The following TENM2 variants were observed in gnomAD, a reference collection of about 807,000 sequenced individuals.
The protein encoded by TENM2 is teneurin transmembrane protein 2.
A neutral mutation model predicts 245.2 loss-of-function variants in TENM2; 52 were observed. The ratio of observed to expected loss-of-function variants is 0.21; its 90% CI spans 0.17 to 0.27. TENM2 has a LOEUF of 0.27. TENM2 is among the 10% of genes least tolerant of loss of function. The pLI, the probability that TENM2 is intolerant of heterozygous loss-of-function variation, is 1.00. For synonymous variants in TENM2, 1,363 were observed against 1,438.9 expected, an observed-to-expected ratio of 0.95 and a Z score of 1.19; for missense variants, 3,046 against 3,666.8, an observed-to-expected ratio of 0.83 and a Z score of 4.37.
intron 7 of TENM2, among the ~76,000 whole-genome samples, chr5:168,064,397 C>G (rs893521499): frequency 2.6e-5 from 4 of 152,102 alleles, no homozygotes; most frequent in African/African-American, 9.7e-5. Context: ...CCCCACATTA[C>G]CCCCAAAGCT....
At chr5:167,851,005 A>G (rs1300810265) in intron 2 of TENM2, among the ~76,000 whole-genome samples, 1 of 152,222 alleles carries the variant, frequency 6.6e-6, no homozygotes, top group African/African-American at 2.4e-5. Flanking sequence ...TGAATCACTA[A>G]TTATTGCCCT....
intron 2 of TENM2, among the ~76,000 whole-genome samples, chr5:167,669,326 A>T (rs148055971): frequency 1.3e-3 from 204 of 151,504 alleles, no homozygotes; most frequent in Admixed American, 2.5e-3. Flanking sequence ...GAAGTAAAAA[A>T]TTAGAAAATG....
At chr5:167,973,143 G>A (rs1037586292) in intron 4 of TENM2, among the ~76,000 whole-genome samples, 7 of 152,224 alleles carry the variant, frequency 4.6e-5, no homozygotes, top group Non-Finnish European at 5.9e-5. Flanking sequence ...GAAATGCCTA[G>A]TAAGGCGGTA....
chr5:167,430,427 C>A (rs143774615), intron 2 of TENM2, among the ~76,000 whole-genome samples: 1 of 152,276 alleles, frequency 6.6e-6, no homozygotes, highest in African/African-American at 2.4e-5. Context: ...CCAGCCTGGG[C>A]CGTTCATTAG....
chr5:167,549,990 T>C (rs1401619930), intron 2 of TENM2, among the ~76,000 whole-genome samples: 1 of 152,212 alleles, frequency 6.6e-6, no homozygotes, highest in Non-Finnish European at 1.5e-5. Flanking sequence ...GATTTTGTGC[T>C]GCGATGTGGT....
chr5:167,212,883 T>A, the TENM2 span, among the ~76,000 whole-genome samples: 2 of 152,206 alleles, frequency 1.3e-5, no homozygotes, highest in Non-Finnish European at 2.9e-5. Context: ...GGGATTTACA[T>A]CTTTAACAAG....
intron 5 of TENM2, among the ~76,000 whole-genome samples, chr5:168,026,215 G>T (rs1335228629): frequency 1.3e-5 from 2 of 152,178 alleles, no homozygotes; most frequent in Non-Finnish European, 2.9e-5. Flanking sequence ...CCATTCCTCT[G>T]AGAGTTGGGG....
intron 3 of TENM2, among the ~76,000 whole-genome samples, chr5:167,892,171 G>A (rs983176741): frequency 7.2e-5 from 11 of 152,074 alleles, no homozygotes; most frequent in African/African-American, 1.9e-4. Context: ...TACATTAAAC[G>A]TACACATTAT....
chr5:167,298,235 T>C (rs903673193), intron 1 of TENM2, among the ~76,000 whole-genome samples: 3 of 151,974 alleles, frequency 2.0e-5, no homozygotes, highest in African/African-American at 4.8e-5. Context: ...GGGGTGATAT[T>C]GTGGGGTTGT....
chr5:167,776,091 T>C (rs571846576), intron 2 of TENM2, among the ~76,000 whole-genome samples: 5 of 150,004 alleles, frequency 3.3e-5, no homozygotes, highest in Non-Finnish European at 7.4e-5. Context: ...CTAAATATAT[T>C]GTTAAGTGAA....
intron 2 of TENM2, among the ~76,000 whole-genome samples, chr5:167,456,241 C>A (rs79090252): frequency 0.037 from 5,578 of 152,242 alleles, 141 homozygotes; most frequent in Non-Finnish European, 0.056. Flanking sequence ...TCAATAGGAA[C>A]CCCAAACCAC....
intron 27 of TENM2, among the ~76,000 whole-genome samples, chr5:168,251,022 AGAG>A (rs1767063775): frequency 6.6e-6 from 1 of 152,186 alleles, no homozygotes; most frequent in East Asian, 1.9e-4. Context: ...GTGCAGGGAG[AGAG>A]GAGGAGTGTT....
intron 12 of TENM2, among the ~76,000 whole-genome samples, chr5:168,148,053 A>C (rs1756264957): frequency 6.6e-6 from 1 of 152,212 alleles, no homozygotes; most frequent in South Asian, 2.1e-4. Flanking sequence ...TTATTGGAAA[A>C]ATCAGTCATG....
chr5:167,257,576 G>T, the TENM2 span, among the ~76,000 whole-genome samples: 2 of 151,396 alleles, frequency 1.3e-5, no homozygotes, highest in Non-Finnish European at 2.9e-5. Flanking sequence ...TAATTGAGGC[G>T]AAGCGAAGAG....
chr5:167,793,828 T>TA (rs199764642), intron 2 of TENM2, among the ~76,000 whole-genome samples: 159 of 124,408 alleles, frequency 1.3e-3, no homozygotes, highest in Middle Eastern at 8.8e-3. Flanking sequence ...AAACCCTGTC[T>TA]AAAAAAAAAA....
chr5:167,470,787 T>C (rs748841376), intron 2 of TENM2, among the ~76,000 whole-genome samples: 3 of 152,076 alleles, frequency 2.0e-5, no homozygotes, highest in Admixed American at 6.6e-5. Context: ...GGTAGCCATT[T>C]ACAATTCAGA....
At chr5:167,872,911 C>A (rs1285767983) in intron 2 of TENM2, among the ~76,000 whole-genome samples, 7 of 152,254 alleles carry the variant, frequency 4.6e-5, no homozygotes, top group African/African-American at 1.7e-4. Flanking sequence ...TATCAGGCTC[C>A]TGGAAAATTG....
intron 7 of TENM2, among the ~76,000 whole-genome samples, chr5:168,069,363 C>T (rs1349825911): frequency 6.6e-6 from 1 of 152,172 alleles, no homozygotes; most frequent in African/African-American, 2.4e-5. Flanking sequence ...TTAATGGCTT[C>T]TAAAATGTTC....
intron 5 of TENM2, among the ~76,000 whole-genome samples, chr5:168,027,546 C>G (rs576731606): frequency 6.6e-6 from 1 of 152,288 alleles, no homozygotes; most frequent in South Asian, 2.1e-4. Context: ...GTTTTTGCCT[C>G]TAGCTTTCTG....
Sources: gnomAD v4.1 joint callset for allele counts (sites outside exome capture counted in the v4.1 genomes callset) on GRCh38, gnomAD v4.1.1 for gene constraint, MANE v1.5 for transcripts, NCBI Gene and HGNC (gene_info 2026-07-23, HGNC 2026-07-21) for gene names.